The following ERBB4 variants were observed in gnomAD, a reference collection of about 807,000 sequenced individuals.
ERBB4 encodes the protein erb-b2 receptor tyrosine kinase 4.
Under a neutral mutation model 158.0 loss-of-function variants are expected in ERBB4, and 42 were observed. The ratio of observed to expected loss-of-function variants is 0.27; its 90% CI spans 0.21 to 0.34. The LOEUF is 0.34. Among genes scored for constraint, ERBB4 ranks in the 10% least tolerant of loss-of-function variants. The pLI is 1.00. For synonymous variants in ERBB4, 583 were observed against 558.7 expected (o/e 1.04, Z -0.61); for missense variants, 1,333 against 1,624.1 (o/e 0.82, Z 3.08).
At chr2:212,135,264 T>TA (rs1195888421) in intron 1 of ERBB4, among the ~76,000 whole-genome samples, 1 of 152,178 alleles carries the variant, frequency 6.6e-6, no homozygotes, top group Non-Finnish European at 1.5e-5. Context: ...ACCTCATAAC[T>TA]GAAAACTAAA....
At chr2:211,720,670 T>C (rs1437313436) in intron 7 of ERBB4, among the ~76,000 whole-genome samples, 1 of 152,190 alleles carries the variant, frequency 6.6e-6, no homozygotes, top group Non-Finnish European at 1.5e-5. Flanking sequence ...ACAAGCAAGA[T>C]CTTTATCATT....
intron 1 of ERBB4, among the ~76,000 whole-genome samples, chr2:212,448,674 C>A (rs2092400385): frequency 6.6e-6 from 1 of 152,022 alleles, no homozygotes; most frequent in African/African-American, 2.4e-5. Flanking sequence ...TAGGAGAAAC[C>A]AGGGAACCAA....
chr2:211,741,072 C>A (rs766956013), intron 5 of ERBB4, among the ~76,000 whole-genome samples: 1 of 152,148 alleles, frequency 6.6e-6, no homozygotes, highest in Admixed American at 6.6e-5. Context: ...AGAATAAAAT[C>A]TCACACTTCT....
chr2:211,706,746 A>G (rs2073459449), intron 9 of ERBB4, among the ~76,000 whole-genome samples: 1 of 152,306 alleles, frequency 6.6e-6, no homozygotes, highest in South Asian at 2.1e-4. Context: ...TTGGAGAAAC[A>G]CTATAAATGT....
intron 1 of ERBB4, among the ~76,000 whole-genome samples, chr2:212,362,677 C>A (rs1270359369): frequency 6.7e-6 from 1 of 150,232 alleles, no homozygotes; most frequent in Non-Finnish European, 1.5e-5. Context: ...AATGCCAACA[C>A]AGCCAATGCC....
At chr2:212,192,113 TTA>T (rs1180057188) in intron 1 of ERBB4, among the ~76,000 whole-genome samples, 19 of 135,156 alleles carry the variant, frequency 1.4e-4, no homozygotes, top group East Asian at 3.9e-4. Flanking sequence ...ATATTATATA[TTA>T]TATATATTAT....
At chr2:211,716,314 A>T (rs1241545358) in intron 7 of ERBB4, among the ~76,000 whole-genome samples, 1 of 130,548 alleles carries the variant, frequency 7.7e-6, no homozygotes, top group Non-Finnish European at 1.6e-5. Flanking sequence ...GTGAGCCGAG[A>T]TTGTGCCATT....
chr2:211,477,535 C>T (rs2064985674), intron 20 of ERBB4, among the ~76,000 whole-genome samples: 1 of 152,074 alleles, frequency 6.6e-6, no homozygotes, highest in Non-Finnish European at 1.5e-5. Context: ...AAAGGGGCTT[C>T]TGGGTTGGGT....
chr2:211,698,858 G>C (rs1250057460), intron 12 of ERBB4, among the ~76,000 whole-genome samples: 1 of 151,988 alleles, frequency 6.6e-6, no homozygotes, highest in African/African-American at 2.4e-5. Context: ...CTGTAATTTG[G>C]TTACTATCAT....
At chr2:212,298,569 G>C (rs1371904627) in intron 1 of ERBB4, among the ~76,000 whole-genome samples, 1 of 151,604 alleles carries the variant, frequency 6.6e-6, no homozygotes, top group Non-Finnish European at 1.5e-5. Context: ...GACAAGAGTA[G>C]TACTTCTTCC....
intron 17 of ERBB4, among the ~76,000 whole-genome samples, chr2:211,627,383 G>C (rs1472177362): frequency 6.6e-6 from 1 of 152,182 alleles, no homozygotes; most frequent in African/African-American, 2.4e-5. Flanking sequence ...TCACTATTAG[G>C]TTTTCCCATG....
chr2:211,734,144 G>A (rs2074524300), intron 5 of ERBB4, among the ~76,000 whole-genome samples: 1 of 151,820 alleles, frequency 6.6e-6, no homozygotes, highest in Non-Finnish European at 1.5e-5. Context: ...CATCATATTA[G>A]GTAAACAATG....
At chr2:211,406,624 T>TAAAC (rs1004986003) in intron 25 of ERBB4, among the ~76,000 whole-genome samples, 11 of 152,270 alleles carry the variant, frequency 7.2e-5, no homozygotes, top group Admixed American at 4.6e-4. Context: ...ATCATTTTGG[T>TAAAC]AAACAGTGCA....
intron 9 of ERBB4, among the ~76,000 whole-genome samples, chr2:211,708,324 G>A (rs535551576): frequency 1.6e-4 from 25 of 152,126 alleles, no homozygotes; most frequent in Middle Eastern, 3.4e-3. Context: ...AATTATACTT[G>A]AGACCCAATT....
chr2:212,367,159 T>A (rs1459868150), intron 1 of ERBB4, among the ~76,000 whole-genome samples: 1 of 151,988 alleles, frequency 6.6e-6, no homozygotes, highest in African/African-American at 2.4e-5. Context: ...CATCTACAAG[T>A]CAAAGGAGAG....
chr2:211,628,887 T>C (rs557345183), intron 17 of ERBB4, among the ~76,000 whole-genome samples: 14 of 152,328 alleles, frequency 9.2e-5, no homozygotes, highest in African/African-American at 2.9e-4. Flanking sequence ...TGGTATCTCA[T>C]TGTGGTTTTG....
At chr2:211,633,979 C>T (rs774729685) in intron 16 of ERBB4, among the ~76,000 whole-genome samples, 29 of 152,088 alleles carry the variant, frequency 1.9e-4, no homozygotes, top group Non-Finnish European at 2.9e-4. Context: ...GCCAACATGG[C>T]GAAACCCCAT....
chr2:211,814,309 A>C (rs2076829233), intron 3 of ERBB4, among the ~76,000 whole-genome samples: 1 of 152,296 alleles, frequency 6.6e-6, no homozygotes, highest in Middle Eastern at 3.4e-3. Flanking sequence ...GAGATGATGC[A>C]TACAAAAACT....
intron 19 of ERBB4, among the ~76,000 whole-genome samples, chr2:211,603,405 A>G (rs2068865094): frequency 6.6e-6 from 1 of 152,122 alleles, no homozygotes; most frequent in Admixed American, 6.5e-5. Context: ...AAAAGGTCTT[A>G]ATTAAATGAT....
Sources: allele counts gnomAD v4.1 joint callset (sites outside exome capture counted in the v4.1 genomes callset), GRCh38; gene constraint gnomAD v4.1.1; transcripts MANE v1.5; gene names NCBI Gene and HGNC (gene_info 2026-07-23, HGNC 2026-07-21).